The following SLC46A3 variants were observed in gnomAD, a reference collection of about 807,000 sequenced individuals.
SLC46A3 encodes the protein solute carrier family 46 member 3.
A neutral mutation model predicts 38.5 loss-of-function variants in SLC46A3; 26 were observed. The observed-to-expected ratio is 0.68, with a 90% CI of 0.49 to 0.94. The LOEUF is 0.94. SLC46A3 is among the 40% of genes least tolerant of loss of function. The probability of loss-of-function intolerance (pLI) is 0.00; values close to 1 mark genes in which losing one functional copy is unlikely to be tolerated. For missense variants in SLC46A3, 510 were observed against 544.3 expected, an observed-to-expected ratio of 0.94 and a Z score of 0.63; for synonymous variants, 185 against 192.5, an observed-to-expected ratio of 0.96 and a Z score of 0.32.
Position 28,700,945 on chromosome 13 carries a change from G to T in SLC46A3, c.*552C>A. ...ATATAAGCTCCGACTATCAATAGCA[G>T]CTTAACAGGCTCTATAAAATAAAGC... is the stretch of plus-strand genomic sequence containing the variant. On this transcript the variant is annotated 3_prime_UTR_variant, in exon 6 of 6. Coordinates refer to ENST00000266943, the MANE Select transcript of SLC46A3 (RefSeq NM_181785.4). The T allele has an allele frequency of 6.6e-7, 1 of 1,512,348 alleles. No homozygotes were observed. The highest frequency in any genetic ancestry group is 2.5e-5 in the East Asian group (1 of 40,534). 93.7% of individuals were successfully genotyped at this position (1,512,348 alleles called of 1,614,324 possible). A position where few individuals can be genotyped will look rare whatever the true frequency, so the allele number is the denominator to read the frequency against.
intron 3 of SLC46A3, 53 bp from the exon 4 acceptor site, chr13:28,710,896 A>G (rs569242154): frequency 4.8e-5 from 62 of 1,304,636 alleles, no homozygotes; most frequent in Non-Finnish European, 1.2e-5. Flanking sequence ...CTAATGGCCA[A>G]TTTAAAATAG....
rs772723799 is a variant in SLC46A3, at chr13:28,712,795, T to A, written c.945A>T (p.Ile315=). The change falls in exon 3 of 6, where the codon ATA becomes ATT. Residue 315 remains isoleucine (I), a synonymous_variant. Coordinates refer to ENST00000266943, the MANE Select transcript of SLC46A3 (RefSeq NM_181785.4). ...CTTCCATACAATAAGAAAAAAGCCA[T>A]ATTCCTAGGAAACTAGTCAAAAAAG... ...SASFLTSFLG[I]WLFSYCMEDI... 12 of 1,613,570 alleles carry A rather than the reference T, an allele frequency of 7.4e-6. No individual in the cohort carries two copies. In the East Asian group the frequency reaches 2.2e-4, roughly 30 times the overall value.
At chr13:28,716,065 A>G (rs1566125221) in intron 2 of SLC46A3, among the ~76,000 whole-genome samples, 3 of 151,936 alleles carry the variant, frequency 2.0e-5, no homozygotes, top group Non-Finnish European at 4.4e-5. Context: ...AGGTGAGAGG[A>G]TCCCTTGAGC....
rs981174977 is a variant in SLC46A3, at chr13:28,712,850, A to T, written c.890T>A (p.Ile297Lys). The T allele has an allele frequency of 2.5e-6, 4 of 1,611,532 alleles. No individual in the cohort carries two copies. In the Admixed American group the frequency reaches 6.7e-5, roughly 27 times the overall value. Reference protein sequence around the residue: ...DSPLCWNEVFIGYGSALGSAS... With the variant: ...DSPLCWNEVFKGYGSALGSAS... ...ACTACCCAAAGCTGATCCATAACCTATAAAAACTTCATTCCAGCAGAGTGG... is the reference window on the plus strand; with the variant it reads ...ACTACCCAAAGCTGATCCATAACCTTTAAAAACTTCATTCCAGCAGAGTGG... The change falls in exon 3 of 6, where the codon ATA (isoleucine) becomes AAA (lysine). Residue 297 changes from isoleucine (I) to lysine (K), a missense_variant. Coordinates refer to ENST00000266943, the MANE Select transcript of SLC46A3 (RefSeq NM_181785.4).
intron 5 of SLC46A3, 80 bp downstream of exon 5, chr13:28,703,863 C>A: frequency 7.6e-7 from 1 of 1,322,960 alleles, no homozygotes; most frequent in South Asian, 1.4e-5. Context: ...TTCAACAGAC[C>A]TATGTAATTT....
chr13:28,711,215 G>A (rs999881543), intron 3 of SLC46A3, among the ~76,000 whole-genome samples: 1 of 152,008 alleles, frequency 6.6e-6, no homozygotes, highest in African/African-American at 2.4e-5. Context: ...ACCTGAGTTC[G>A]GGAGTTCGAG....
rs1885612675 is a variant in SLC46A3 at position 28,718,779 on chromosome 13, C to T, written c.-308G>A. 1 of 152,358 alleles carries T rather than the reference C, an allele frequency of 6.6e-6. No individual in the cohort carries two copies. The highest frequency in any genetic ancestry group is 1.5e-5 in the Non-Finnish European group (1 of 68,134). The allele number at this position is 152,358 out of a possible 1,614,324, so 9.4% of individuals were successfully genotyped here. On this transcript the variant is annotated 5_prime_UTR_variant, in exon 1 of 6. Transcript: ENST00000266943. ...ACTTCCGCGTCCCGAGTGACACCTGCAGGGTTCTCCGGCAGCCCTCGGCTT... is the reference window on the plus strand; with the variant it reads ...ACTTCCGCGTCCCGAGTGACACCTGTAGGGTTCTCCGGCAGCCCTCGGCTT...
intron 4 of SLC46A3, among the ~76,000 whole-genome samples, chr13:28,708,858 T>G (rs1478560233): frequency 6.6e-6 from 1 of 152,134 alleles, no homozygotes; most frequent in Non-Finnish European, 1.5e-5. Context: ...AATTTTTCCT[T>G]TGTTCTTGTG....
intron 2 of SLC46A3, among the ~76,000 whole-genome samples, chr13:28,715,643 C>A (rs1329398062): frequency 3.3e-5 from 5 of 152,154 alleles, no homozygotes; most frequent in African/African-American, 7.2e-5. Flanking sequence ...TCTGTAGCAC[C>A]ACAGGGTGAC....
intron 4 of SLC46A3, among the ~76,000 whole-genome samples, chr13:28,708,222 C>T (rs117961282): frequency 6.6e-6 from 1 of 152,308 alleles, no homozygotes; most frequent in East Asian, 1.9e-4. Context: ...AGGCAACTAA[C>T]TTTCTGAGGA....
intron 5 of SLC46A3, among the ~76,000 whole-genome samples, chr13:28,701,873 C>G (rs1885032852): frequency 6.6e-6 from 1 of 152,108 alleles, no homozygotes; most frequent in African/African-American, 2.4e-5. Context: ...TACTGAAGTT[C>G]CTGTTCAATA....
In SLC46A3 at chr13:28,717,939, G is replaced by A. The variant is rs757724184; in HGVS notation, c.60C>T (p.Thr20=). The change falls in exon 2 of 6, where the codon ACC becomes ACT. Residue 20 remains threonine (T), a synonymous_variant. Coordinates refer to ENST00000266943, the MANE Select transcript of SLC46A3 (RefSeq NM_181785.4). The part of the protein sequence containing the change: ...IFLSAFAMTL[T]GPLTTQYVYR... Reference sequence around the variant, plus strand: ...AAACATATTGCGTTGTCAGTGGACCGGTCAAAGTCATAGCAAATGCACTAA... The same window carrying A: ...AAACATATTGCGTTGTCAGTGGACCAGTCAAAGTCATAGCAAATGCACTAA... The A allele has an allele frequency of 2.5e-6, 4 of 1,613,904 alleles. No individual in the cohort carries two copies. Among genetic ancestry groups the A allele is most frequent in the East Asian group, 2.2e-5 (1 of 44,874 alleles).
chr13:28,713,473 G>T lies in SLC46A3; in HGVS notation c.267C>A (p.Phe89Leu), dbSNP rs769776441. Residue 89 changes from phenylalanine to leucine, a missense_variant, in exon 3 of 6, where the codon TTC becomes TTA. By Grantham distance (22) the Phe-to-Leu change is conservative. Coordinates refer to ENST00000266943, the MANE Select transcript of SLC46A3 (RefSeq NM_181785.4). ...SGLIPGLVST[F>L]ILLSISDHYG... The stretch of plus-strand genomic sequence containing the variant: ...AGTGATCACTAATAGACAAAAGTAT[G>T]AATGTAGACACTAGACCAGGAATTA... 2.5e-6 allele frequency: 4 copies of T among 1,614,096 alleles called. No individual in the cohort carries two copies. The highest frequency in any genetic ancestry group is 3.4e-6 in the Non-Finnish European group (4 of 1,179,968).
intron 4 of SLC46A3, among the ~76,000 whole-genome samples, chr13:28,708,614 CTTTTT>C (rs71190788): frequency 7.8e-6 from 1 of 128,266 alleles, no homozygotes; most frequent in Non-Finnish European, 1.7e-5. Context: ...TTTTTCTTTT[CTTTTT>C]TTTTTTTTTT....
chr13:28,712,787 A>C lies in SLC46A3; in HGVS notation c.953T>G (p.Phe318Cys). ...FLTSFLGIWL[F>C]SYCMEDIHMA... Reference sequence around the variant, plus strand: ...ATGAATATCTTCCATACAATAAGAAAAAAGCCATATTCCTAGGAAACTAGT... The same window carrying C: ...ATGAATATCTTCCATACAATAAGAACAAAGCCATATTCCTAGGAAACTAGT... The change falls in exon 3 of 6, where the codon TTT becomes TGT. Residue 318 changes from phenylalanine to cysteine, a missense_variant. Physicochemically the swap from Phe to Cys is radical, Grantham distance 205. Transcript: ENST00000266943. 6.2e-7 allele frequency: 1 copy of C among 1,613,802 alleles called. No individual in the cohort carries two copies. The highest frequency in any genetic ancestry group is 8.5e-7 in the Non-Finnish European group (1 of 1,179,932).
rs768625101 is a variant in SLC46A3 at position 28,712,753 on chromosome 13, G to A, written c.987C>T (p.Phe329=). ...CTGTCATCGTGGTAAAAATCCCAAT[G>A]AAGGCCATATGAATATCTTCCATAC... The part of the protein sequence containing the change: ...SYCMEDIHMA[F]IGIFTTMTGM... The change falls in exon 3 of 6, where the codon TTC becomes TTT. Residue 329 remains phenylalanine, a synonymous_variant. Coordinates refer to ENST00000266943, the MANE Select transcript of SLC46A3 (RefSeq NM_181785.4). 2 of 1,610,018 alleles carry A rather than the reference G, an allele frequency of 1.2e-6. No individual in the cohort carries two copies. Among genetic ancestry groups the A allele is most frequent in the Admixed American group, 1.7e-5 (1 of 58,946 alleles).
chr13:28,710,485 C>T (rs982522675), intron 4 of SLC46A3, among the ~76,000 whole-genome samples: 1 of 152,196 alleles, frequency 6.6e-6, no homozygotes, highest in East Asian at 1.9e-4. Flanking sequence ...TGGTGAGCTC[C>T]CAGTGGGCAT....
intron 5 of SLC46A3, 79 bp downstream of exon 5, chr13:28,703,864 T>C (rs901872232): frequency 1.1e-5 from 14 of 1,331,318 alleles, no homozygotes; most frequent in Admixed American, 4.2e-5. Flanking sequence ...TCAACAGACC[T>C]ATGTAATTTA....
chr13:28,701,226 T>A lies in SLC46A3; in HGVS notation c.*271A>T. 2.9e-6 allele frequency: 4 copies of A among 1,392,530 alleles called. No homozygotes were observed. Among genetic ancestry groups the A allele is most frequent in the Non-Finnish European group, 3.7e-6 (4 of 1,076,250 alleles). The allele number at this position is 1,392,530 out of a possible 1,614,324, so 86.3% of individuals were successfully genotyped here. A position where few individuals can be genotyped will look rare whatever the true frequency, so the allele number is the denominator to read the frequency against. On this transcript the variant is annotated 3_prime_UTR_variant, in exon 6 of 6. Transcript: ENST00000266943. ...CCCTCCTTACACCCTTAAGTTTTAA[T>A]GTTTCTCTTCTAAGTCTAAAAGTGA...
Sources: gnomAD v4.1 joint callset for allele counts (sites outside exome capture counted in the v4.1 genomes callset) on GRCh38, gnomAD v4.1.1 for gene constraint, MANE v1.5 for transcripts, NCBI Gene and HGNC (gene_info 2026-07-23, HGNC 2026-07-21) for gene names.